Variants in MYO1D observed in about 807,000 individuals in gnomAD.
The protein encoded by MYO1D is unconventional myosin-Id.
MYO1D carries 83 observed loss-of-function variants against 122.0 expected under a neutral mutation model. The ratio of observed to expected loss-of-function variants is 0.68; its 90% confidence interval spans 0.57 to 0.82. MYO1D has a LOEUF of 0.82. MYO1D is among the 40% of genes least tolerant of loss of function. The pLI is 0.00. For synonymous variants in MYO1D, 464 were observed against 446.9 expected, an observed-to-expected ratio of 1.04 and a Z score of -0.48; for missense variants, 1,157 against 1,269.5, an observed-to-expected ratio of 0.91 and a Z score of 1.35.
intron 16 of MYO1D, among the ~76,000 whole-genome samples, chr17:32,685,554 G>T (rs1273344243): frequency 1.3e-5 from 2 of 152,132 alleles, no homozygotes; most frequent in African/African-American, 2.4e-5. Context: ...AGGAGTCCTG[G>T]AGTTTCCATG....
chr17:32,840,821 A>G (rs536798799), intron 1 of MYO1D, among the ~76,000 whole-genome samples: 1 of 152,336 alleles, frequency 6.6e-6, no homozygotes, highest in East Asian at 1.9e-4. Flanking sequence ...ACAGTGACCA[A>G]AAGGCAGGAA....
At chr17:32,723,155 T>C (rs2150992988) in intron 14 of MYO1D, among the ~76,000 whole-genome samples, 1 of 152,312 alleles carries the variant, frequency 6.6e-6, no homozygotes, top group African/African-American at 2.4e-5. Flanking sequence ...CTCCTGCGCT[T>C]GGACCCGAGT....
chr17:32,641,728 T>C (rs531337616), intron 19 of MYO1D, among the ~76,000 whole-genome samples: 1 of 152,390 alleles, frequency 6.6e-6, no homozygotes, highest in Non-Finnish European at 1.5e-5. Flanking sequence ...TGCATAAATG[T>C]CTTCTTTTGA....
intron 16 of MYO1D, among the ~76,000 whole-genome samples, chr17:32,662,303 T>C (rs557944192): frequency 6.6e-6 from 1 of 152,340 alleles, no homozygotes; most frequent in South Asian, 2.1e-4. Context: ...TGTCTGTTTC[T>C]TGAGTTATAA....
At chr17:32,859,990 G>A (rs1363746326) in intron 1 of MYO1D, among the ~76,000 whole-genome samples, 1 of 152,180 alleles carries the variant, frequency 6.6e-6, no homozygotes, top group Non-Finnish European at 1.5e-5. Flanking sequence ...ACCAGTGGCA[G>A]GTTTAATAAT....
chr17:32,548,090 T>C (rs945149158), intron 21 of MYO1D, among the ~76,000 whole-genome samples: 2 of 152,150 alleles, frequency 1.3e-5, no homozygotes, highest in African/African-American at 4.8e-5. Flanking sequence ...CTTTCTGGGT[T>C]TGTCACCTGC....
chr17:32,596,938 A>C (rs1425389680), intron 21 of MYO1D, among the ~76,000 whole-genome samples: 1 of 152,224 alleles, frequency 6.6e-6, no homozygotes, highest in Non-Finnish European at 1.5e-5. Flanking sequence ...ACGCAAACCA[A>C]AAGTCAGCCA....
intron 21 of MYO1D, chr17:32,528,991 G>C (rs2150871912): frequency 6.6e-6 from 1 of 152,362 alleles, no homozygotes; most frequent in Non-Finnish European, 1.5e-5. Flanking sequence ...ATAGGAAACT[G>C]ACATAGATCG....
intron 20 of MYO1D, among the ~76,000 whole-genome samples, chr17:32,611,008 C>T (rs11868228): frequency 0.056 from 8,543 of 152,166 alleles, 320 homozygotes; most frequent in Non-Finnish European, 0.089. Flanking sequence ...TTGAACAGGG[C>T]AAAAAGAGTC....
At chr17:32,574,010 G>A (rs963844327) in intron 21 of MYO1D, among the ~76,000 whole-genome samples, 29 of 151,974 alleles carry the variant, frequency 1.9e-4, no homozygotes, top group African/African-American at 6.5e-4. Context: ...CCGCCACCTC[G>A]CCCGGCTAAT....
Position 32,712,061 on chromosome 17 carries a change from G to A in MYO1D, c.2048C>T (p.Thr683Ile), listed in dbSNP as rs1567961226. 2 of 1,614,102 alleles carry A rather than the reference G, an allele frequency of 1.2e-6. No individual in the cohort carries two copies. Among genetic ancestry groups the A allele is most frequent in the African/African-American group, 1.3e-5 (1 of 75,032 alleles). Residue 683 changes from threonine (T) to isoleucine (I), a missense_variant, in exon 16 of 22, where the codon ACA becomes ATA. Thr to Ile is a moderately conservative substitution (Grantham distance 89). Transcript: ENST00000318217. ...AYGKTKIFIR[T>I]PRTLFTLEEL... Reference sequence around the variant, plus strand: ...TTCCAAGGTAAACAATGTTCGGGGTGTTCGAATGAAAATTTTGGTCTTCCC... The same window carrying A: ...TTCCAAGGTAAACAATGTTCGGGGTATTCGAATGAAAATTTTGGTCTTCCC...
At chr17:32,553,026 CAGG>C (rs2087032399) in intron 21 of MYO1D, among the ~76,000 whole-genome samples, 1 of 141,766 alleles carries the variant, frequency 7.1e-6, no homozygotes, top group Non-Finnish European at 1.5e-5. Flanking sequence ...TGCTTGAGTC[CAGG>C]AGTTCAGGGC....
intron 16 of MYO1D, among the ~76,000 whole-genome samples, chr17:32,706,863 A>G (rs894059057): frequency 6.6e-6 from 1 of 151,914 alleles, no homozygotes; most frequent in Admixed American, 6.6e-5. Flanking sequence ...TGCCTGGCTA[A>G]TTTTTTGTAT....
chr17:32,617,918 TA>T (rs2087796785), intron 20 of MYO1D, among the ~76,000 whole-genome samples: 1 of 152,204 alleles, frequency 6.6e-6, no homozygotes, highest in Non-Finnish European at 1.5e-5. Flanking sequence ...AGATAAACAG[TA>T]AAAATACCAT....
chr17:32,760,496 G>T lies in MYO1D; in HGVS notation c.1167C>A (p.Ile389=). The T allele has an allele frequency of 1.2e-6, 2 of 1,613,186 alleles. No homozygotes were observed. Among genetic ancestry groups the T allele is most frequent in the South Asian group, 2.2e-5 (2 of 90,934 alleles). ...IGVLDIYGFE[I]FDNNSFEQFC... is the part of the protein sequence containing the mutation. The stretch of plus-strand genomic sequence containing the variant: ...TTCCAGTTTACCTGTTGTTGTCAAA[G>T]ATTTCAAAGCCATAGATATCCAAGA... Residue 389 remains isoleucine (I), a synonymous_variant, in exon 9 of 22, where the codon ATC becomes ATA. Coordinates refer to ENST00000318217, the MANE Select transcript of MYO1D (RefSeq NM_015194.3).
chr17:32,679,504 T>G (rs113318165), intron 16 of MYO1D, among the ~76,000 whole-genome samples: 237 of 152,178 alleles, frequency 1.6e-3, no homozygotes, highest in African/African-American at 5.5e-3. Context: ...CAGCACCATT[T>G]ATTAAATAGG....
intron 1 of MYO1D, among the ~76,000 whole-genome samples, chr17:32,787,638 C>T (rs906603557): frequency 6.6e-6 from 1 of 152,084 alleles, no homozygotes; most frequent in South Asian, 2.1e-4. Flanking sequence ...AGGATGGTCT[C>T]AATATCTTGA....
At chr17:32,584,607 C>G (rs890014986) in intron 21 of MYO1D, among the ~76,000 whole-genome samples, 2 of 151,972 alleles carry the variant, frequency 1.3e-5, no homozygotes, top group African/African-American at 4.8e-5. Flanking sequence ...CTGCCTCAGC[C>G]TTTGGAGTTG....
intron 13 of MYO1D, among the ~76,000 whole-genome samples, chr17:32,740,856 C>A (rs1472677901): frequency 6.6e-6 from 1 of 152,026 alleles, no homozygotes; most frequent in Non-Finnish European, 1.5e-5. Flanking sequence ...CCTCCAGAGA[C>A]CCAGTATGTA....
Sources: gnomAD v4.1 joint callset for allele counts (sites outside exome capture counted in the v4.1 genomes callset) on GRCh38, gnomAD v4.1.1 for gene constraint, MANE v1.5 for transcripts, NCBI Gene and HGNC (gene_info 2026-07-23, HGNC 2026-07-21) for gene names.